Variants in PDE4D observed in about 807,000 individuals in gnomAD.
PDE4D encodes 3',5'-cyclic-AMP phosphodiesterase 4D.
PDE4D carries 24 observed loss-of-function variants against 87.4 expected under a neutral mutation model. That is an observed-to-expected ratio of 0.27 (90% CI 0.20 to 0.39). The LOEUF (loss-of-function observed/expected upper bound fraction) is 0.39. PDE4D is among the 10% of genes least tolerant of loss of function. PDE4D has a pLI of 1.00. For missense variants in PDE4D, 714 were observed against 1,041.0 expected (o/e 0.69, Z 4.32); for synonymous variants, 384 against 383.2 (o/e 1.00, Z -0.02).
intron 1 of PDE4D, among the ~76,000 whole-genome samples, chr5:60,298,984 A>G (rs1223802369): frequency 2.0e-5 from 3 of 152,264 alleles, no homozygotes; most frequent in Admixed American, 6.5e-5. Flanking sequence ...CTTATCTCAA[A>G]AAAAAGGAAG....
chr5:60,473,507 A>G (rs1748018544), intron 1 of PDE4D, among the ~76,000 whole-genome samples: 1 of 152,222 alleles, frequency 6.6e-6, no homozygotes, highest in African/African-American at 2.4e-5. Flanking sequence ...ATGTGGCAAA[A>G]TGTTAACAAT....
intron 3 of PDE4D, among the ~76,000 whole-genome samples, chr5:59,938,913 T>C (rs970891651): frequency 7.2e-5 from 11 of 152,210 alleles, no homozygotes; most frequent in Admixed American, 5.9e-4. Context: ...TCCTCCTCAA[T>C]GCATGAGATG....
chr5:59,800,318 C>T (rs1372434670), intron 1 of PDE4D, among the ~76,000 whole-genome samples: 2 of 151,984 alleles, frequency 1.3e-5, no homozygotes, highest in African/African-American at 4.8e-5. Flanking sequence ...GCATTAAAAA[C>T]ACCGTGAAAG....
intron 2 of PDE4D, among the ~76,000 whole-genome samples, chr5:60,000,255 G>A (rs1183752678): frequency 6.6e-6 from 1 of 151,996 alleles, no homozygotes; most frequent in African/African-American, 2.4e-5. Context: ...AAACTCAAAC[G>A]TGGAAAAACC....
intron 1 of PDE4D, among the ~76,000 whole-genome samples, chr5:59,640,668 T>C (rs1437920623): frequency 6.6e-6 from 1 of 152,212 alleles, no homozygotes; most frequent in African/African-American, 2.4e-5. Flanking sequence ...TCCAGTAGCA[T>C]GTCCTTCCAC....
intron 1 of PDE4D, among the ~76,000 whole-genome samples, chr5:59,549,698 A>C (rs1817803304): frequency 6.6e-6 from 1 of 152,116 alleles, no homozygotes; most frequent in Admixed American, 6.6e-5. Flanking sequence ...AACCCACTCC[A>C]CAGCAAAACA....
chr5:59,516,943 G>A (rs1285162962), intron 1 of PDE4D, among the ~76,000 whole-genome samples: 1 of 99,300 alleles, frequency 1.0e-5, no homozygotes, highest in African/African-American at 4.7e-5. Context: ...ACATACATAG[G>A]CACACACATA....
At chr5:60,137,360 T>C (rs1438971485) in intron 2 of PDE4D, among the ~76,000 whole-genome samples, 3 of 152,212 alleles carry the variant, frequency 2.0e-5, no homozygotes, top group African/African-American at 7.2e-5. Flanking sequence ...CCTCTAGGTC[T>C]TTAAGGAATT....
chr5:59,697,571 AGTT>A (rs1182636251), intron 1 of PDE4D, among the ~76,000 whole-genome samples: 4 of 152,226 alleles, frequency 2.6e-5, no homozygotes, highest in African/African-American at 9.6e-5. Context: ...CAATGAACAA[AGTT>A]TCACTATGCT....
chr5:60,060,944 G>A (rs1318047484), intron 2 of PDE4D, among the ~76,000 whole-genome samples: 1 of 151,982 alleles, frequency 6.6e-6, no homozygotes, highest in Middle Eastern at 3.2e-3. Flanking sequence ...AGTAATAAGA[G>A]CTACTTCTGA....
intron 1 of PDE4D, among the ~76,000 whole-genome samples, chr5:59,365,009 G>A (rs1490277677): frequency 1.3e-5 from 2 of 152,086 alleles, no homozygotes; most frequent in Non-Finnish European, 2.9e-5. Flanking sequence ...AGAACTTAGG[G>A]CTGAATGAAC....
intron 5 of PDE4D, among the ~76,000 whole-genome samples, chr5:59,101,596 T>C (rs1245405794): frequency 2.0e-5 from 3 of 152,156 alleles, no homozygotes; most frequent in Non-Finnish European, 2.9e-5. Flanking sequence ...ATAGGCATGG[T>C]AATATTTATT....
chr5:59,442,287 T>C (rs1461946071), intron 1 of PDE4D, among the ~76,000 whole-genome samples: 1 of 152,214 alleles, frequency 6.6e-6, no homozygotes, highest in Admixed American at 6.5e-5. Flanking sequence ...GTGTAACTTG[T>C]GGGGAACATC....
At chr5:59,202,545 T>G (rs1463643444) in intron 2 of PDE4D, among the ~76,000 whole-genome samples, 1 of 142,588 alleles carries the variant, frequency 7.0e-6, no homozygotes, top group African/African-American at 2.6e-5. Context: ...CAGGTTAGAA[T>G]TTTTTTTTTT....
intron 1 of PDE4D, among the ~76,000 whole-genome samples, chr5:60,326,541 T>C (rs1488330333): frequency 1.3e-5 from 2 of 152,120 alleles, no homozygotes; most frequent in Non-Finnish European, 2.9e-5. Flanking sequence ...ATTTTAAGAA[T>C]TAAGTAAGGA....
At chr5:60,349,206 A>T (rs1758983582) in intron 1 of PDE4D, among the ~76,000 whole-genome samples, 1 of 152,198 alleles carries the variant, frequency 6.6e-6, no homozygotes, top group Non-Finnish European at 1.5e-5. Context: ...CACTGAACAC[A>T]TCTGACTTAA....
chr5:59,342,924 T>A (rs1023003567), intron 1 of PDE4D, among the ~76,000 whole-genome samples: 2 of 152,108 alleles, frequency 1.3e-5, no homozygotes, highest in African/African-American at 2.4e-5. Context: ...ACTCACATAC[T>A]TTTTTGTGGT....
chr5:59,967,642 T>C (rs1480999763), intron 3 of PDE4D, among the ~76,000 whole-genome samples: 1 of 152,196 alleles, frequency 6.6e-6, no homozygotes, highest in Non-Finnish European at 1.5e-5. Flanking sequence ...TTATACACCA[T>C]TGGTGGGAAT....
At chr5:60,335,774 A>G (rs939375921) in intron 1 of PDE4D, among the ~76,000 whole-genome samples, 1 of 152,160 alleles carries the variant, frequency 6.6e-6, no homozygotes, top group South Asian at 2.1e-4. Context: ...GGTGTTGAGA[A>G]TCTGTAGTTG....
Sources: allele counts gnomAD v4.1 joint callset (sites outside exome capture counted in the v4.1 genomes callset), GRCh38; gene constraint gnomAD v4.1.1; transcripts MANE v1.5; gene names NCBI Gene and HGNC (gene_info 2026-07-23, HGNC 2026-07-21).